KLF15: variants seen among roughly 807,000 people sequenced by gnomAD.
The protein encoded by KLF15 is KLF transcription factor 15, also known as Krueppel-like factor 15.
KLF15 carries 4 observed loss-of-function variants against 24.6 expected under a neutral mutation model. The ratio of observed to expected loss-of-function variants is 0.16; its 90% CI spans 0.08 to 0.37. The LOEUF (loss-of-function observed/expected upper bound fraction) is 0.37. KLF15 is among the 10% of genes least tolerant of loss of function. The pLI is 1.00. For synonymous variants in KLF15, 246 were observed against 236.3 expected (o/e 1.04, Z -0.37); for missense variants, 496 against 560.6 (o/e 0.88, Z 1.16).
At chr3:126,345,690 C>T (rs1362780692) in intron 2 of KLF15, among the ~76,000 whole-genome samples, 1 of 152,170 alleles carries the variant, frequency 6.6e-6, no homozygotes, top group African/African-American at 2.4e-5. Context: ...GCAGCAGTTC[C>T]CACCCAGCAA....
chr3:126,341,942 C>T (rs946413451), downstream of KLF15, among the ~76,000 whole-genome samples: 3 of 152,200 alleles, frequency 2.0e-5, no homozygotes, highest in Admixed American at 6.5e-5. Flanking sequence ...GCCTCCATTT[C>T]CTTGCCATTC....
the KLF15 span, among the ~76,000 whole-genome samples, chr3:126,299,945 C>T: frequency 1.3e-5 from 2 of 151,968 alleles, no homozygotes; most frequent in Non-Finnish European, 2.9e-5. Context: ...GTTGTTTGAG[C>T]CCCCGGTCTT....
Position 126,356,548 on chromosome 3 carries a change from G to C in KLF15, c.-26+689C>G, listed in dbSNP as rs1448084735. On this transcript the variant is annotated intron_variant, in intron 1 of 2. Coordinates refer to ENST00000296233, the MANE Select transcript of KLF15 (RefSeq NM_014079.4). This position sits in a 1 kb window ranked among gnomAD's most constrained non-coding sequence, Gnocchi z 4.4. ...TGAGCGGACGGGGACTCAGCGTGGA[G>C]TGAGACGCGTGAACGGTGCGGGTGT... Among the ~76,000 whole-genome samples the C allele has an allele frequency of 6.6e-6, 1 of 152,158 alleles. No individual in the cohort carries two copies. The highest frequency in any genetic ancestry group is 1.5e-5 in the Non-Finnish European group (1 of 68,020).
At chr3:126,323,485 ATAACATATATATATATAACTAC>A in the KLF15 span, among the ~76,000 whole-genome samples, 2 of 59,072 alleles carry the variant, frequency 3.4e-5, no homozygotes, top group Admixed American at 1.9e-4. Flanking sequence ...ATATATATAT[ATAACATATATATATATAACTAC>A]TATATAACAT....
the KLF15 span, among the ~76,000 whole-genome samples, chr3:126,295,242 A>G: frequency 1.3e-5 from 2 of 152,228 alleles, no homozygotes; most frequent in African/African-American, 4.8e-5. Flanking sequence ...CACAGAAGAC[A>G]CAAACAGCTT....
chr3:126,316,757 G>A, the KLF15 span, among the ~76,000 whole-genome samples: 1 of 152,088 alleles, frequency 6.6e-6, no homozygotes, highest in Non-Finnish European at 1.5e-5. Flanking sequence ...GCCGGAGTGG[G>A]GAAGGGAGTG....
In KLF15 at chr3:126,345,701, T is replaced by C. The variant is rs146221605; in HGVS notation, c.1083-1806A>G. Among the ~76,000 whole-genome samples the C allele has an allele frequency of 1.6e-3, 241 of 152,060 alleles. 2 individuals are homozygous for C. The highest frequency in any genetic ancestry group is 4.3e-4 in the Non-Finnish European group (29 of 67,972). ...CAGAGCAGCAGTTCCCACCCAGCAATTGGTAAGGGCTGGTGATGCCCTGGC... is the reference window on the plus strand; with the variant it reads ...CAGAGCAGCAGTTCCCACCCAGCAACTGGTAAGGGCTGGTGATGCCCTGGC... On this transcript the variant is annotated intron_variant, in intron 2 of 2. Transcript: ENST00000296233.
the KLF15 span, chr3:126,294,037 G>A: frequency 2.6e-5 from 4 of 152,282 alleles, no homozygotes; most frequent in Admixed American, 6.5e-5. Flanking sequence ...TGTCAGGGCC[G>A]GCTTTTTAAG....
chr3:126,334,018 C>T, the KLF15 span, among the ~76,000 whole-genome samples: 1 of 152,106 alleles, frequency 6.6e-6, no homozygotes, highest in Non-Finnish European at 1.5e-5. Flanking sequence ...ATCAACGAGA[C>T]AGAAAGTCAA....
the KLF15 span, among the ~76,000 whole-genome samples, chr3:126,315,233 C>T: frequency 2.6e-5 from 4 of 152,144 alleles, no homozygotes; most frequent in African/African-American, 4.8e-5. Context: ...CCAGTGCAAC[C>T]TCATCTTAAA....
At chr3:126,307,173 C>T in the KLF15 span, among the ~76,000 whole-genome samples, 1 of 152,196 alleles carries the variant, frequency 6.6e-6, no homozygotes, top group East Asian at 1.9e-4. Flanking sequence ...TCAGGCCCCA[C>T]CACACACCGC....
the KLF15 span, among the ~76,000 whole-genome samples, chr3:126,309,461 G>A: frequency 8.5e-5 from 13 of 152,242 alleles, no homozygotes; most frequent in Admixed American, 7.2e-4. Context: ...CCCATGTGGC[G>A]ACAGATTCGA....
the KLF15 span, among the ~76,000 whole-genome samples, chr3:126,294,991 A>G: frequency 2.6e-5 from 4 of 152,072 alleles, no homozygotes; most frequent in African/African-American, 4.8e-5. Context: ...ACATACGTCT[A>G]TGGATTCATA....
chr3:126,345,890 G>C (rs1247377195), intron 2 of KLF15, among the ~76,000 whole-genome samples: 2 of 152,146 alleles, frequency 1.3e-5, no homozygotes, highest in African/African-American at 4.8e-5. Context: ...CACATCTCCA[G>C]ACTAGGTGAA....
chr3:126,288,461 G>A, the KLF15 span: 2 of 152,328 alleles, frequency 1.3e-5, no homozygotes, highest in Non-Finnish European at 2.9e-5. Context: ...CAGGTGCCAA[G>A]GCTGGCTGCT....
chr3:126,328,032 C>T, the KLF15 span, among the ~76,000 whole-genome samples: 5 of 152,054 alleles, frequency 3.3e-5, no homozygotes, highest in African/African-American at 1.2e-4. Context: ...ACCCATCACC[C>T]GACCAGTATA....
downstream of KLF15, among the ~76,000 whole-genome samples, chr3:126,339,013 A>G (rs2082459480): frequency 6.6e-6 from 1 of 152,154 alleles, no homozygotes; most frequent in South Asian, 2.1e-4. Flanking sequence ...CTGGGTGTGG[A>G]TATGTCCGTG....
At chr3:126,319,516 G>A in the KLF15 span, among the ~76,000 whole-genome samples, 1 of 152,182 alleles carries the variant, frequency 6.6e-6, no homozygotes, top group African/African-American at 2.4e-5. Flanking sequence ...TTTCCCTGAT[G>A]ACATATGATG....
At chr3:126,311,109 A>G in the KLF15 span, among the ~76,000 whole-genome samples, 3 of 152,126 alleles carry the variant, frequency 2.0e-5, no homozygotes, top group Non-Finnish European at 4.4e-5. Flanking sequence ...TCCCTACACC[A>G]CTGGGCCCCT....
Sources: allele counts gnomAD v4.1 joint callset (sites outside exome capture counted in the v4.1 genomes callset), GRCh38; gene constraint gnomAD v4.1.1; non-coding constraint Gnocchi (gnomAD v3.1); transcripts MANE v1.5; gene names NCBI Gene and HGNC (gene_info 2026-07-23, HGNC 2026-07-21).